TNR: variants seen among roughly 807,000 people sequenced by gnomAD.
The protein encoded by TNR is tenascin R, also known as tenascin-R.
In TNR, 45 loss-of-function variants were observed where a neutral mutation model predicts 150.4. That is an observed-to-expected ratio of 0.30 (90% CI 0.24 to 0.38). The LOEUF is 0.38. Among genes scored for constraint, TNR ranks in the 10% least tolerant of loss-of-function variants. The probability of loss-of-function intolerance (pLI) is 1.00; values close to 1 mark genes in which losing one functional copy is unlikely to be tolerated. For missense variants in TNR, 1,544 were observed against 1,759.1 expected (o/e 0.88, Z 2.19); for synonymous variants, 687 against 678.4 (o/e 1.01, Z -0.20).
intron 18 of TNR, among the ~76,000 whole-genome samples, chr1:175,351,036 C>T (rs915963975): frequency 1.3e-5 from 2 of 152,182 alleles, no homozygotes; most frequent in African/African-American, 4.8e-5. Context: ...AAGAAATTAG[C>T]CTCTAAATCC....
At chr1:175,359,164 T>TTTTTTTTTTTTTTTTTTTTTC (rs1651472481) in intron 15 of TNR, among the ~76,000 whole-genome samples, 1 of 139,440 alleles carries the variant, frequency 7.2e-6, no homozygotes. Context: ...TTTTTTTTTT[T>TTTTTTTTTTTTTTTTTTTTTC]AGATGGAGTC....
intron 1 of TNR, among the ~76,000 whole-genome samples, chr1:175,565,602 T>C (rs1009618071): frequency 1.3e-4 from 20 of 152,334 alleles, no homozygotes; most frequent in African/African-American, 4.8e-4. Context: ...ATAATACTTT[T>C]GGAGTGTAAA....
chr1:175,499,000 A>G (rs150476993), intron 2 of TNR, among the ~76,000 whole-genome samples: 27 of 152,340 alleles, frequency 1.8e-4, no homozygotes, highest in African/African-American at 6.3e-4. Flanking sequence ...AAAAAGAAAA[A>G]CAACAAGAGA....
At chr1:175,577,311 G>A (rs1571629381) in intron 1 of TNR, among the ~76,000 whole-genome samples, 1 of 152,196 alleles carries the variant, frequency 6.6e-6, no homozygotes, top group East Asian at 1.9e-4. Context: ...TTTGTCCTTG[G>A]GATCAGCGTT....
intron 1 of TNR, among the ~76,000 whole-genome samples, chr1:175,626,559 T>G (rs576382581): frequency 6.6e-6 from 1 of 152,200 alleles, no homozygotes; most frequent in African/African-American, 2.4e-5. Flanking sequence ...CAAAAACCAT[T>G]CTTCATGGCA....
chr1:175,346,311 A>G, intron 18 of TNR, among the ~76,000 whole-genome samples: 1 of 152,328 alleles, frequency 6.6e-6, no homozygotes, highest in Non-Finnish European at 1.5e-5. Context: ...TATCCATAAG[A>G]ATCCAGAGCC....
chr1:175,382,013 C>T (rs1307910326), intron 8 of TNR, among the ~76,000 whole-genome samples: 3 of 152,224 alleles, frequency 2.0e-5, no homozygotes, highest in Non-Finnish European at 4.4e-5. Flanking sequence ...TGGCTTAGGT[C>T]ATCTAGGTCT....
chr1:175,422,468 C>T (rs903852421), intron 2 of TNR, among the ~76,000 whole-genome samples: 12 of 152,218 alleles, frequency 7.9e-5, no homozygotes, highest in African/African-American at 2.9e-4. Flanking sequence ...TTCCTGCTTC[C>T]CAAGCTTCTG....
At chr1:175,362,613 C>T (rs1401459666) in intron 14 of TNR, 50 bp downstream of exon 14, 1 of 1,594,156 alleles carries the variant, frequency 6.3e-7, no homozygotes, top group Admixed American at 1.7e-5. Flanking sequence ...CAACTTCACC[C>T]AGATCTTCAG....
At chr1:175,470,456 C>T (rs1657239467) in intron 2 of TNR, among the ~76,000 whole-genome samples, 1 of 152,100 alleles carries the variant, frequency 6.6e-6, no homozygotes, top group Non-Finnish European at 1.5e-5. Flanking sequence ...TCCAGACTCC[C>T]ATGGTATTTC....
At chr1:175,494,614 T>C (rs1309193391) in intron 2 of TNR, among the ~76,000 whole-genome samples, 1 of 152,208 alleles carries the variant, frequency 6.6e-6, no homozygotes, top group East Asian at 1.9e-4. Context: ...GGGCTCCTGG[T>C]TGCCTGTTTA....
chr1:175,419,645 C>G (rs1473286894), intron 2 of TNR, among the ~76,000 whole-genome samples: 1 of 152,046 alleles, frequency 6.6e-6, no homozygotes, highest in Non-Finnish European at 1.5e-5. Context: ...CCACGCCCGG[C>G]TAATTTTTAT....
At chr1:175,672,327 G>T (rs1292423933) in intron 1 of TNR, among the ~76,000 whole-genome samples, 1 of 152,152 alleles carries the variant, frequency 6.6e-6, no homozygotes, top group Admixed American at 6.5e-5. Flanking sequence ...GATTCTCATG[G>T]ATATAGCATC....
At chr1:175,404,991 C>T (rs1310585377) in intron 3 of TNR, among the ~76,000 whole-genome samples, 1 of 152,224 alleles carries the variant, frequency 6.6e-6, no homozygotes, top group African/African-American at 2.4e-5. Context: ...GTGAATGTGT[C>T]AGGTACCCCT....
intron 1 of TNR, among the ~76,000 whole-genome samples, chr1:175,596,384 T>C (rs1473312514): frequency 6.6e-6 from 1 of 152,178 alleles, no homozygotes; most frequent in Non-Finnish European, 1.5e-5. Context: ...TCAGCTGTCA[T>C]GACGTCTGCC....
intron 2 of TNR, among the ~76,000 whole-genome samples, chr1:175,436,743 A>T (rs1655529915): frequency 6.6e-6 from 1 of 152,220 alleles, no homozygotes; most frequent in African/African-American, 2.4e-5. Flanking sequence ...AGTCTCTGAA[A>T]AAACAGACTT....
intron 1 of TNR, among the ~76,000 whole-genome samples, chr1:175,642,365 G>A (rs893401497): frequency 9.2e-5 from 14 of 152,212 alleles, no homozygotes; most frequent in African/African-American, 3.4e-4. Flanking sequence ...GCATGTTACT[G>A]AAACTTAATG....
chr1:175,565,416 G>A (rs987768989), intron 1 of TNR, among the ~76,000 whole-genome samples: 8 of 152,132 alleles, frequency 5.3e-5, no homozygotes, highest in Non-Finnish European at 1.2e-4. Context: ...GATTTGAAAG[G>A]GCTTGAACCC....
chr1:175,358,804 G>T (rs1651448437), intron 15 of TNR, among the ~76,000 whole-genome samples: 1 of 152,200 alleles, frequency 6.6e-6, no homozygotes, highest in African/African-American at 2.4e-5. Context: ...TTTCGTGTTA[G>T]TTAAACCTGT....
Sources: allele counts gnomAD v4.1 joint callset (sites outside exome capture counted in the v4.1 genomes callset), GRCh38; gene constraint gnomAD v4.1.1; transcripts MANE v1.5; gene names NCBI Gene and HGNC (gene_info 2026-07-23, HGNC 2026-07-21).